Variants in EVI5 observed in about 807,000 individuals in gnomAD.
The protein encoded by EVI5 is ecotropic viral integration site 5.
Under a neutral mutation model 112.0 loss-of-function variants are expected in EVI5, and 73 were observed. The ratio of observed to expected loss-of-function variants is 0.65; its 90% CI spans 0.54 to 0.79. EVI5 has a LOEUF of 0.79. Among genes scored for constraint, EVI5 ranks in the 30% least tolerant of loss-of-function variants. The pLI, the probability that EVI5 is intolerant of heterozygous loss-of-function variation, is 0.00. For synonymous variants in EVI5, 305 were observed against 319.9 expected, an observed-to-expected ratio of 0.95 and a Z score of 0.50; for missense variants, 900 against 968.8, an observed-to-expected ratio of 0.93 and a Z score of 0.94.
At chr1:92,694,260 G>A (rs984565668) in intron 8 of EVI5, 39 bp downstream of exon 8, 12 of 1,223,134 alleles carry the variant, frequency 9.8e-6, no homozygotes, top group Non-Finnish European at 1.3e-5. Flanking sequence ...ACTAAACTCT[G>A]TCTCAAAAAA....
Position 92,662,817 on chromosome 1 carries a change from G to A in EVI5, c.1294C>T (p.Arg432Trp), listed in dbSNP as rs1039216388. ...TGCTGTTTGATGGTGGCCAACTCCCGTTTTATGAGGTAGTTTTCCTCAGCC... is the reference window on the plus strand; with the variant it reads ...TGCTGTTTGATGGTGGCCAACTCCCATTTTATGAGGTAGTTTTCCTCAGCC... ...QEAEENYLIK[R>W]ELATIKQQSD... Residue 432 changes from arginine (R) to tryptophan (W), a missense_variant, in exon 13 of 20, where the codon CGG becomes TGG. By Grantham distance (101) the Arg-to-Trp change is moderately radical (BLOSUM62 -3). Transcript: ENST00000684568. 2.9e-5 allele frequency: 38 copies of A among 1,289,134 alleles called. No individual in the cohort carries two copies. The highest frequency in any genetic ancestry group is 2.2e-4 in the East Asian group (4 of 17,972). The allele number at this position is 1,289,134 out of a possible 1,614,324, so 79.9% of individuals were successfully genotyped here. A position where few individuals can be genotyped will look rare whatever the true frequency, so the allele number is the denominator to read the frequency against.
intron 1 of EVI5, among the ~76,000 whole-genome samples, chr1:92,772,715 G>A (rs1347936596): frequency 6.6e-6 from 1 of 151,812 alleles, no homozygotes; most frequent in Non-Finnish European, 1.5e-5. Flanking sequence ...AGACCAGCCT[G>A]CCAAAGATGG....
In EVI5 at chr1:92,757,398, G is replaced by GTT. The variant is rs11397398; in HGVS notation, c.-81-20773_-81-20772dup. On this transcript the variant is annotated intron_variant, in intron 1 of 19. Coordinates refer to ENST00000684568, the MANE Select transcript of EVI5 (RefSeq NM_001350197.2). ...ATGTAAAGTACTAATTTTTGAAGAG[G>GTT]TTTTTTTTTATTCTACAGTTTTGAG... 2.6e-3 allele frequency among the ~76,000 whole-genome samples: 392 copies of GTT among 150,240 alleles called. 1 individual carries two copies. Among genetic ancestry groups the GTT allele is most frequent in the Non-Finnish European group, 4.5e-3 (307 of 67,532 alleles).
intron 18 of EVI5, among the ~76,000 whole-genome samples, chr1:92,579,869 A>G (rs984332796): frequency 1.3e-5 from 2 of 152,198 alleles, no homozygotes; most frequent in African/African-American, 4.8e-5. Context: ...TGATTAATAA[A>G]CAAAGTAGAA....
At chr1:92,560,782 C>G (rs969845419) in intron 19 of EVI5, among the ~76,000 whole-genome samples, 34 of 151,830 alleles carry the variant, frequency 2.2e-4, no homozygotes, top group Admixed American at 6.6e-5. Flanking sequence ...TCGGGCTGGT[C>G]TCGAACTCCT....
At chr1:92,710,753 T>TG (rs36041506) in intron 2 of EVI5, among the ~76,000 whole-genome samples, 85 of 12,574 alleles carry the variant, frequency 6.8e-3, no homozygotes, top group African/African-American at 9.4e-3. Context: ...AGATTGGGGT[T>TG]GGGGGGGGGG....
intron 1 of EVI5, among the ~76,000 whole-genome samples, chr1:92,791,597 G>A (rs1323868163): frequency 6.6e-6 from 1 of 152,162 alleles, no homozygotes; most frequent in Non-Finnish European, 1.5e-5. Context: ...TTTAACCTCT[G>A]TAAGCTTCAG....
intron 2 of EVI5, among the ~76,000 whole-genome samples, chr1:92,717,350 C>G (rs990461422): frequency 1.3e-5 from 2 of 152,186 alleles, no homozygotes; most frequent in Non-Finnish European, 2.9e-5. Flanking sequence ...GATCTCTCAG[C>G]AGAAACTCTA....
intron 18 of EVI5, among the ~76,000 whole-genome samples, chr1:92,566,963 T>C (rs6422514): frequency 0.85 from 129,432 of 151,942 alleles, 55,515 homozygotes; most frequent in East Asian, 0.97. Flanking sequence ...CACACCACCA[T>C]GCCTAGCTAA....
In EVI5 at chr1:92,547,262, G is replaced by A. The variant is rs571593924; in HGVS notation, c.2166+16380C>T. On this transcript the variant is annotated intron_variant, in intron 19 of 19. Transcript: ENST00000684568. ...CCTGAATGACTACTGGGTACGTAAC[G>A]AAATGAAGGCAGAAATAAAGATGTT... 2.4e-3 allele frequency among the ~76,000 whole-genome samples: 359 copies of A among 152,288 alleles called. 1 individual carries two copies. The highest frequency in any genetic ancestry group is 7.8e-3 in the African/African-American group (324 of 41,552).
chr1:92,724,427 G>T (rs934617855), intron 2 of EVI5, among the ~76,000 whole-genome samples: 1 of 152,080 alleles, frequency 6.6e-6, no homozygotes, highest in African/African-American at 2.4e-5. Flanking sequence ...TTCTTGCCGT[G>T]ATTAAATAAT....
At position 92,697,913 on chromosome 1, in the gene EVI5, G is replaced by T. The variant is rs748663316; in HGVS notation, c.712C>A (p.Pro238Thr). 1.2e-6 allele frequency: 2 copies of T among 1,612,396 alleles called. No homozygotes were observed. The highest frequency in any genetic ancestry group is 2.2e-5 in the East Asian group (1 of 44,794). ...QDYRLRELFK[P>T]SMAELGLCMY... Reference sequence around the variant, plus strand: ...CAAAGGCCCAATTCTGCCATACTTGGTTTAAAAAGTTCACGAAGTCTATAA... The same window carrying T: ...CAAAGGCCCAATTCTGCCATACTTGTTTTAAAAAGTTCACGAAGTCTATAA... Residue 238 changes from proline to threonine, a missense_variant, in exon 6 of 20, where the codon CCA becomes ACA. Coordinates refer to ENST00000684568, the MANE Select transcript of EVI5 (RefSeq NM_001350197.2).
At chr1:92,780,989 T>G (rs1450425966) in intron 1 of EVI5, among the ~76,000 whole-genome samples, 1 of 151,858 alleles carries the variant, frequency 6.6e-6, no homozygotes, top group East Asian at 1.9e-4. Context: ...GTAGCTGGGA[T>G]TACAGGCACC....
Position 92,688,455 on chromosome 1 carries a change from G to A in EVI5, c.1097+5347C>T, listed in dbSNP as rs1250007550. Among the ~76,000 whole-genome samples the A allele has an allele frequency of 2.0e-5, 3 of 152,180 alleles. No homozygotes were observed. In the South Asian group the frequency reaches 6.2e-4, roughly 32 times the overall value. ...TCTCTCAGGGGATACTCCCTCAGGA[G>A]CAAGTCATTCTGAAATTGTTCATTT... is the stretch of plus-strand genomic sequence containing the variant. On this transcript the variant is annotated intron_variant, in intron 9 of 19. Transcript: ENST00000684568.
At chr1:92,627,796 CTTTTTTTTTTT>C (rs1173724869) in intron 14 of EVI5, among the ~76,000 whole-genome samples, 1 of 146,450 alleles carries the variant, frequency 6.8e-6, no homozygotes, top group African/African-American at 2.5e-5. Flanking sequence ...AGTATTTTTT[CTTTTTTTTTTT>C]GAAACGGAGT....
chr1:92,547,238 C>T (rs1665884472), intron 19 of EVI5, among the ~76,000 whole-genome samples: 1 of 152,170 alleles, frequency 6.6e-6, no homozygotes, highest in African/African-American at 2.4e-5. Context: ...CAACCTGCTC[C>T]TGAATGACTA....
intron 19 of EVI5, among the ~76,000 whole-genome samples, chr1:92,554,939 C>CTCACCAG (rs1485273429): frequency 6.6e-6 from 1 of 152,138 alleles, no homozygotes; most frequent in Non-Finnish European, 1.5e-5. Context: ...GGTGATGGCA[C>CTCACCAG]CACTGCACTC....
At chr1:92,585,322 T>A (rs1256423382) in intron 18 of EVI5, among the ~76,000 whole-genome samples, 6 of 151,664 alleles carry the variant, frequency 4.0e-5, no homozygotes, top group Non-Finnish European at 8.8e-5. Context: ...CAAGACCCCA[T>A]CTGTACAAAA....
At chr1:92,744,245 G>A (rs983423505) in intron 1 of EVI5, among the ~76,000 whole-genome samples, 4 of 152,162 alleles carry the variant, frequency 2.6e-5, no homozygotes, top group Admixed American at 1.3e-4. Flanking sequence ...TAATCTTGGC[G>A]AATGTTCCAT....
Sources: gnomAD v4.1 joint callset for allele counts (sites outside exome capture counted in the v4.1 genomes callset) on GRCh38, gnomAD v4.1.1 for gene constraint, MANE v1.5 for transcripts, NCBI Gene and HGNC (gene_info 2026-07-23, HGNC 2026-07-21) for gene names.